CHRAC1: variants seen among roughly 807,000 people sequenced by gnomAD.
CHRAC1 encodes chromatin accessibility complex subunit 1, also known as chromatin accessibility complex protein 1.
Under a neutral mutation model 9.1 loss-of-function variants are expected in CHRAC1, and 6 were observed. The ratio of observed to expected loss-of-function variants is 0.66; its 90% CI spans 0.36 to 1.29. CHRAC1 has a LOEUF of 1.29. Ranked by LOEUF, CHRAC1 falls within the 50% of genes most tolerant of loss-of-function variation. The pLI is 0.03. For missense variants in CHRAC1, 168 were observed against 163.5 expected (o/e 1.03, Z -0.15); for synonymous variants, 73 against 64.5 (o/e 1.13, Z -0.63).
chr8:140,511,797 C>G, intron 1 of CHRAC1, 151 bp downstream of exon 1: 1 of 852,532 alleles, frequency 1.2e-6, no homozygotes, highest in Non-Finnish European at 1.7e-6. Context: ...CCCACGCCGG[C>G]GCGCGCTTCG....
At chr8:140,511,994 C>T (rs1484632759) in intron 1 of CHRAC1, 24 of 1,292,568 alleles carry the variant, frequency 1.9e-5, no homozygotes, top group Non-Finnish European at 2.3e-5. Context: ...TGTCCTCCCG[C>T]CGTTTCTCTC....
At position 140,511,472 on chromosome 8, in the gene CHRAC1, T is replaced by C. The variant is rs1246154711; in HGVS notation, c.-28T>C. On this transcript the variant is annotated 5_prime_UTR_variant, in exon 1 of 3. Transcript: ENST00000220913. ...CCACTTCGCGGTCGGGCCCGCCGGC[T>C]GCGGGCACCCGCGCGACGGGCGGGA... 1.5e-6 allele frequency: 2 copies of C among 1,309,052 alleles called. No homozygotes were observed. Among genetic ancestry groups the C allele is most frequent in the Non-Finnish European group, 9.8e-7 (1 of 1,017,056 alleles). 81.1% of individuals were successfully genotyped at this position (1,309,052 alleles called of 1,614,324 possible). A position where few individuals can be genotyped will look rare whatever the true frequency, so the allele number is the denominator to read the frequency against.
At chr8:140,511,864 C>G (rs1311510699) in intron 1 of CHRAC1, 2 of 766,938 alleles carry the variant, frequency 2.6e-6, no homozygotes, top group Admixed American at 2.2e-5. Context: ...CCCCTCGCCG[C>G]TCCCTCACGT....
intron 2 of CHRAC1, chr8:140,514,851 C>G (rs1438244162): frequency 2.6e-6 from 1 of 385,626 alleles, no homozygotes; most frequent in Non-Finnish European, 4.7e-6. Context: ...TGGGGCTAGC[C>G]TAGGCTATCT....
intron 1 of CHRAC1, among the ~76,000 whole-genome samples, chr8:140,512,489 T>C (rs1021660591): frequency 6.6e-6 from 1 of 152,252 alleles, no homozygotes; most frequent in African/African-American, 2.4e-5. Flanking sequence ...TTTTGTCTTT[T>C]TTTAAAAAAA....
In CHRAC1 at chr8:140,514,474, G is replaced by A. The variant is rs757357389; in HGVS notation, c.253G>A (p.Glu85Lys). Residue 85 changes from glutamate to lysine, a missense_variant, in exon 2 of 3, where the codon GAA (glutamate) becomes AAA (lysine). Coordinates refer to ENST00000220913, the MANE Select transcript of CHRAC1 (RefSeq NM_017444.6). ...SDLANTAQQS[E>K]TFQFLADILP... ...TTTAGCAAACACTGCACAGCAATCA[G>A]AAACTTTTCAGTTTCTTGCAGGTAC... 1 of 1,556,924 alleles carries A rather than the reference G, an allele frequency of 6.4e-7. No individual in the cohort carries two copies. Among genetic ancestry groups the A allele is most frequent in the South Asian group, 1.2e-5 (1 of 80,192 alleles).
Position 140,515,328 on chromosome 8 carries a change from C to T in CHRAC1, c.*81C>T, listed in dbSNP as rs2072322981. The T allele has an allele frequency of 1.1e-5, 15 of 1,395,288 alleles. No homozygotes were observed. The highest frequency in any genetic ancestry group is 2.1e-5 in the Admixed American group (1 of 47,240). The allele number at this position is 1,395,288 out of a possible 1,614,324, so 86.4% of individuals were successfully genotyped here. On this transcript the variant is annotated 3_prime_UTR_variant, in exon 3 of 3. Coordinates refer to ENST00000220913, the MANE Select transcript of CHRAC1 (RefSeq NM_017444.6). ...GTCTCTAAGTAAACACAGCACTGCCCGCTTTTAGCGTCTTCACTTCTTCAC... is the reference window on the plus strand; with the variant it reads ...GTCTCTAAGTAAACACAGCACTGCCTGCTTTTAGCGTCTTCACTTCTTCAC...
chr8:140,515,215 A>G lies in CHRAC1; in HGVS notation c.364A>G (p.Asn122Asp), dbSNP rs774948854. The G allele has an allele frequency of 1.9e-6, 3 of 1,614,072 alleles. No homozygotes were observed. The highest frequency in any genetic ancestry group is 2.5e-6 in the Non-Finnish European group (3 of 1,179,986). Reference protein sequence around the residue: ...REEDEENDNDNESDHDEADS With the variant: ...REEDEENDNDDESDHDEADS ...AGAAGATGAGGAGAATGACAATGAT[A>G]ATGAAAGTGACCATGATGAAGCTGA... Residue 122 changes from asparagine to aspartate, a missense_variant, in exon 3 of 3, where the codon AAT becomes GAT. By Grantham distance (23) the Asn-to-Asp change is conservative (BLOSUM62 1). Transcript: ENST00000220913.
chr8:140,515,105 T>G, intron 2 of CHRAC1, 21 bp from the exon 3 acceptor site: 1 of 1,607,510 alleles, frequency 6.2e-7, no homozygotes, highest in Non-Finnish European at 8.5e-7. Context: ...CAATTGCTGA[T>G]GTACGCTTTA....
rs1444110381 is a variant in CHRAC1 at position 140,514,609 on chromosome 8, C to T, written c.274+114C>T. On this transcript the variant is annotated intron_variant, in intron 2 of 2. Coordinates refer to ENST00000220913, the MANE Select transcript of CHRAC1 (RefSeq NM_017444.6). Reference sequence around the variant, plus strand: ...AAAATTAGACTTTTTGCTACTTTTTCCAAGCCGCAAAGTACTATGAGTTGT... The same window carrying T: ...AAAATTAGACTTTTTGCTACTTTTTTCAAGCCGCAAAGTACTATGAGTTGT... 3 of 813,036 alleles carry T rather than the reference C, an allele frequency of 3.7e-6. No individual in the cohort carries two copies. The East Asian group carries it at 9.0e-5, about 24-fold the overall frequency. 50.4% of individuals were successfully genotyped at this position (813,036 alleles called of 1,614,324 possible). A position where few individuals can be genotyped will look rare whatever the true frequency, so the allele number is the denominator to read the frequency against.
chr8:140,513,999 C>G (rs2072308897), intron 1 of CHRAC1, among the ~76,000 whole-genome samples: 1 of 148,930 alleles, frequency 6.7e-6, no homozygotes. Context: ...CTCCACCTCC[C>G]AGGTTCAGGC....
intron 1 of CHRAC1, among the ~76,000 whole-genome samples, chr8:140,512,621 A>C (rs1320448714): frequency 6.6e-6 from 1 of 152,164 alleles, no homozygotes; most frequent in Non-Finnish European, 1.5e-5. Context: ...CTTGTAGTTA[A>C]GTATATGATG....
At chr8:140,515,036 C>A in intron 2 of CHRAC1, 90 bp from the exon 3 acceptor site, 1 of 1,303,246 alleles carries the variant, frequency 7.7e-7, no homozygotes, top group Admixed American at 2.0e-5. Context: ...TTATAGAGGT[C>A]AAAGCAGGAA....
In CHRAC1 at chr8:140,514,565, C is replaced by T. The variant is rs1422958297; in HGVS notation, c.274+70C>T. 3.1e-6 allele frequency: 4 copies of T among 1,295,800 alleles called. No homozygotes were observed. The East Asian group carries it at 1.0e-4, about 34-fold the overall frequency. 80.3% of individuals were successfully genotyped at this position (1,295,800 alleles called of 1,614,324 possible). A position where few individuals can be genotyped will look rare whatever the true frequency, so the allele number is the denominator to read the frequency against. On this transcript the variant is annotated intron_variant, in intron 2 of 2. Transcript: ENST00000220913. Reference sequence around the variant, plus strand: ...CAATAGCTCTTTCCCCACCCCTTGCCTCCCTTCTGCTCTCACGGAAAATTA... The same window carrying T: ...CAATAGCTCTTTCCCCACCCCTTGCTTCCCTTCTGCTCTCACGGAAAATTA...
rs1029518947 is a variant in CHRAC1, at chr8:140,512,074, G to A, written c.147+428G>A. On this transcript the variant is annotated intron_variant, in intron 1 of 2. Coordinates refer to ENST00000220913, the MANE Select transcript of CHRAC1 (RefSeq NM_017444.6). The stretch of plus-strand genomic sequence containing the variant: ...CGCCTTTCGTCCCTCCCACCTGTGC[G>A]CTCACGTCCTCCCTCGCGTGCGGCG... The A allele has an allele frequency of 2.4e-6, 3 of 1,235,904 alleles. No individual in the cohort carries two copies. The African/African-American group carries it at 4.6e-5, about 19-fold the overall frequency. 76.6% of individuals were successfully genotyped at this position (1,235,904 alleles called of 1,614,324 possible).
intron 1 of CHRAC1, among the ~76,000 whole-genome samples, chr8:140,512,197 G>A (rs2072284740): frequency 1.3e-5 from 2 of 151,916 alleles, no homozygotes; most frequent in African/African-American, 4.8e-5. Context: ...CCTACTCCCG[G>A]CCTGCCTTTT....
Position 140,515,879 on chromosome 8 carries a change from A to G in CHRAC1, c.*632A>G, listed in dbSNP as rs2072330193. On this transcript the variant is annotated 3_prime_UTR_variant, in exon 3 of 3. Coordinates refer to ENST00000220913, the MANE Select transcript of CHRAC1 (RefSeq NM_017444.6). The stretch of plus-strand genomic sequence containing the variant: ...CCTGCAAATTTTGAGAAATTTAAAA[A>G]TAAGCATTCTAACACTTTTATTCCC... 6.6e-6 allele frequency: 1 copy of G among 152,254 alleles called. No homozygotes were observed. Among genetic ancestry groups the G allele is most frequent in the Non-Finnish European group, 1.5e-5 (1 of 68,030 alleles). 9.4% of individuals were successfully genotyped at this position (152,254 alleles called of 1,614,324 possible). A position where few individuals can be genotyped will look rare whatever the true frequency, so the allele number is the denominator to read the frequency against.
intron 1 of CHRAC1, among the ~76,000 whole-genome samples, chr8:140,513,197 T>C (rs1434929699): frequency 6.6e-6 from 1 of 152,208 alleles, no homozygotes; most frequent in South Asian, 2.1e-4. Flanking sequence ...TCTGTAAAAA[T>C]GAAGACTTGG....
rs1465224363 is a variant in CHRAC1, at chr8:140,511,492, G to T, written c.-8G>T. 6.8e-6 allele frequency: 9 copies of T among 1,321,444 alleles called. No homozygotes were observed. Among genetic ancestry groups the T allele is most frequent in the Non-Finnish European group, 7.8e-6 (8 of 1,023,810 alleles). 81.9% of individuals were successfully genotyped at this position (1,321,444 alleles called of 1,614,324 possible). A position where few individuals can be genotyped will look rare whatever the true frequency, so the allele number is the denominator to read the frequency against. ...CCGGCTGCGGGCACCCGCGCGACGG[G>T]CGGGAAGATGGCGGACGTGGTCGTG... is the stretch of plus-strand genomic sequence containing the variant. On this transcript the variant is annotated 5_prime_UTR_variant, in exon 1 of 3. Transcript: ENST00000220913.
Sources: allele counts gnomAD v4.1 joint callset (sites outside exome capture counted in the v4.1 genomes callset), GRCh38; gene constraint gnomAD v4.1.1; transcripts MANE v1.5; gene names NCBI Gene and HGNC (gene_info 2026-07-23, HGNC 2026-07-21).